The following MGAT5 variants were observed in gnomAD, a reference collection of about 807,000 sequenced individuals.
MGAT5 encodes the protein alpha-1,6-mannosylglycoprotein 6-beta-N-acetylglucosaminyltransferase, also known as alpha-1,6-mannosylglycoprotein 6-beta-N-acetylglucosaminyltransferase A.
In MGAT5, 30 loss-of-function variants were observed where a neutral mutation model predicts 94.3. That is an observed-to-expected ratio of 0.32 (90% confidence interval 0.24 to 0.43). MGAT5 has a LOEUF of 0.43. Among genes scored for constraint, MGAT5 ranks in the 20% least tolerant of loss-of-function variants. The probability of loss-of-function intolerance (pLI) is 1.00; values close to 1 mark genes in which losing one functional copy is unlikely to be tolerated. For missense variants in MGAT5, 691 were observed against 905.5 expected (o/e 0.76, Z 3.04); for synonymous variants, 310 against 322.9 (o/e 0.96, Z 0.43).
intron 14 of MGAT5, among the ~76,000 whole-genome samples, chr2:134,428,667 T>C (rs1027194969): frequency 1.2e-4 from 18 of 152,298 alleles, no homozygotes; most frequent in South Asian, 2.1e-4. Context: ...TGGAAACTTA[T>C]AACAAGAGAG....
chr2:134,230,846 A>ACACC (rs1491426764), intron 1 of MGAT5, among the ~76,000 whole-genome samples: 21 of 146,882 alleles, frequency 1.4e-4, no homozygotes, highest in African/African-American at 5.0e-4. Context: ...ACACACACAC[A>ACACC]CCCATCAAGT....
chr2:134,201,254 G>A (rs1679772559), intron 1 of MGAT5, among the ~76,000 whole-genome samples: 1 of 152,076 alleles, frequency 6.6e-6, no homozygotes, highest in South Asian at 2.1e-4. Context: ...CTATAGTCGA[G>A]TGTTAAATAA....
At chr2:134,217,465 G>A (rs545944422) in intron 1 of MGAT5, among the ~76,000 whole-genome samples, 1 of 152,164 alleles carries the variant, frequency 6.6e-6, no homozygotes, top group Non-Finnish European at 1.5e-5. Flanking sequence ...AGTTACCTGA[G>A]AAAGCAGGTG....
chr2:134,307,802 C>T (rs1330705906), intron 2 of MGAT5, among the ~76,000 whole-genome samples: 4 of 152,118 alleles, frequency 2.6e-5, no homozygotes, highest in East Asian at 1.9e-4. Context: ...CATCTCTGGC[C>T]GTTCCTTTTC....
At chr2:134,163,131 G>A (rs1687813557) in intron 1 of MGAT5, among the ~76,000 whole-genome samples, 1 of 152,196 alleles carries the variant, frequency 6.6e-6, no homozygotes, top group Non-Finnish European at 1.5e-5. Flanking sequence ...AAGTTTCCCA[G>A]AGGAGATGTT....
At chr2:134,213,393 G>C (rs1680305172) in intron 1 of MGAT5, among the ~76,000 whole-genome samples, 1 of 136,064 alleles carries the variant, frequency 7.3e-6, no homozygotes, top group African/African-American at 2.7e-5. Context: ...CAAAAATTCT[G>C]TTTCTCAAAA....
intron 1 of MGAT5, among the ~76,000 whole-genome samples, chr2:134,195,299 A>G (rs1401570357): frequency 6.6e-6 from 1 of 152,174 alleles, no homozygotes; most frequent in Admixed American, 6.5e-5. Context: ...ACTCCTTTAC[A>G]TTTTTAACTC....
intron 10 of MGAT5, among the ~76,000 whole-genome samples, chr2:134,371,264 A>G (rs2106156215): frequency 6.6e-6 from 1 of 152,286 alleles, no homozygotes; most frequent in East Asian, 1.9e-4. Context: ...CCCTCCCAGC[A>G]GCTTTCTGAA....
intron 15 of MGAT5, among the ~76,000 whole-genome samples, chr2:134,442,589 G>A (rs1401900441): frequency 6.6e-6 from 1 of 152,166 alleles, no homozygotes; most frequent in East Asian, 1.9e-4. Flanking sequence ...GCACAGGGGA[G>A]GCGCCTTCCT....
At chr2:134,447,326 C>T (rs1685843711) in intron 15 of MGAT5, among the ~76,000 whole-genome samples, 1 of 152,316 alleles carries the variant, frequency 6.6e-6, no homozygotes, top group South Asian at 2.1e-4. Context: ...TATAGCCCAT[C>T]CGATGTCTGC....
At chr2:134,234,268 T>A (rs1247219033) in intron 1 of MGAT5, among the ~76,000 whole-genome samples, 1 of 152,192 alleles carries the variant, frequency 6.6e-6, no homozygotes, top group Non-Finnish European at 1.5e-5. Flanking sequence ...CCTAGAGCAG[T>A]GATGCCTATA....
At chr2:134,226,214 G>A (rs764849816) in intron 1 of MGAT5, among the ~76,000 whole-genome samples, 1 of 152,186 alleles carries the variant, frequency 6.6e-6, no homozygotes, top group Non-Finnish European at 1.5e-5. Context: ...CCTAGTTGAT[G>A]CATGGTCACT....
chr2:134,354,617 G>T (rs1259402582), intron 9 of MGAT5, among the ~76,000 whole-genome samples: 1 of 151,984 alleles, frequency 6.6e-6, no homozygotes, highest in Non-Finnish European at 1.5e-5. Flanking sequence ...GTATTATTTT[G>T]CCCCCAGTCT....
intron 1 of MGAT5, among the ~76,000 whole-genome samples, chr2:134,122,131 T>G (rs1035158576): frequency 2.0e-5 from 3 of 151,366 alleles, no homozygotes; most frequent in African/African-American, 7.3e-5. Context: ...AAAGATGGAG[T>G]TTTGCTCTTG....
chr2:134,153,705 C>T (rs1002795017), intron 1 of MGAT5, among the ~76,000 whole-genome samples: 2 of 152,066 alleles, frequency 1.3e-5, no homozygotes, highest in Non-Finnish European at 1.5e-5. Flanking sequence ...GCCTGCTAGG[C>T]CCTGCTGGGT....
At chr2:134,352,182 A>G (rs1204525500) in intron 9 of MGAT5, among the ~76,000 whole-genome samples, 4 of 152,162 alleles carry the variant, frequency 2.6e-5, no homozygotes, top group Admixed American at 2.0e-4. Context: ...TCTTTCTTCA[A>G]CTAAGCACCT....
intron 1 of MGAT5, among the ~76,000 whole-genome samples, chr2:134,183,802 G>A (rs186057345): frequency 6.6e-6 from 1 of 152,344 alleles, no homozygotes; most frequent in Non-Finnish European, 1.5e-5. Flanking sequence ...CTCATGTTGA[G>A]CAAGGCGGCC....
intron 2 of MGAT5, among the ~76,000 whole-genome samples, chr2:134,312,660 G>A (rs978901712): frequency 6.6e-6 from 1 of 152,142 alleles, no homozygotes; most frequent in Non-Finnish European, 1.5e-5. Context: ...TCACTGTTGT[G>A]TGTGGTTTCC....
rs1279496672 is a variant in MGAT5 at position 134,369,031 on chromosome 2, T to TC, written c.1380+6623_1380+6624insC. On this transcript the variant is annotated intron_variant, in intron 10 of 15. Coordinates refer to ENST00000281923, the MANE Select transcript of MGAT5 (RefSeq NM_002410.5). ...TTCATCTTGTAATCATATAATTATC[T>TC]TTTTTTGTCAATCTCTCTTCCTTAC... 7.3e-5 allele frequency among the ~76,000 whole-genome samples: 9 copies of TC among 122,578 alleles called. No individual in the cohort carries two copies. The East Asian group carries it at 2.0e-3, about 27-fold the overall frequency. 80.4% of individuals were successfully genotyped at this position (122,578 alleles called of 152,430 possible). A position where few individuals can be genotyped will look rare whatever the true frequency, so the allele number is the denominator to read the frequency against.
Sources: gnomAD v4.1 joint callset for allele counts (sites outside exome capture counted in the v4.1 genomes callset) on GRCh38, gnomAD v4.1.1 for gene constraint, MANE v1.5 for transcripts, NCBI Gene and HGNC (gene_info 2026-07-23, HGNC 2026-07-21) for gene names.